Variants in CCT6A observed in about 807,000 individuals in gnomAD.
The protein encoded by CCT6A is T-complex protein 1 subunit zeta.
CCT6A carries 6 observed loss-of-function variants against 58.6 expected under a neutral mutation model. The observed-to-expected ratio is 0.10, with a 90% CI of 0.06 to 0.20. CCT6A has a LOEUF of 0.20. CCT6A is among the 10% of genes least tolerant of loss of function. CCT6A has a pLI of 1.00. For missense variants in CCT6A, 516 were observed against 648.8 expected, an observed-to-expected ratio of 0.80 and a Z score of 2.22; for synonymous variants, 245 against 227.8, an observed-to-expected ratio of 1.08 and a Z score of -0.68.
chr7:56,059,684 G>C (rs558629472), intron 9 of CCT6A, 44 bp downstream of exon 9: 1 of 969,596 alleles, frequency 1.0e-6, no homozygotes. Context: ...CTTTTAGCTC[G>C]TGAATTATTT....
intron 3 of CCT6A, 52 bp downstream of exon 3, chr7:56,054,555 G>C: frequency 6.5e-7 from 1 of 1,544,104 alleles, no homozygotes; most frequent in Non-Finnish European, 8.9e-7. Flanking sequence ...GGAAGTGTCT[G>C]ATATTTATAC....
chr7:56,052,143 C>T (rs7780755), intron 1 of CCT6A, among the ~76,000 whole-genome samples, 158 bp downstream of exon 1: 14,452 of 152,214 alleles, frequency 0.095, 946 homozygotes, highest in Non-Finnish European at 0.14. Flanking sequence ...TAAGCCCCAC[C>T]GTCCCGGCCA....
At chr7:56,057,960 T>C (rs1794350238) in intron 5 of CCT6A, 33 bp from the exon 6 acceptor site, 2 of 1,144,772 alleles carry the variant, frequency 1.7e-6, no homozygotes, top group Non-Finnish European at 2.6e-6. Flanking sequence ...CATCTGAAAA[T>C]CAATAACCAT....
intron 10 of CCT6A, 65 bp from the exon 11 acceptor site, chr7:56,060,742 T>C (rs888525174): frequency 8.4e-6 from 13 of 1,540,116 alleles, no homozygotes; most frequent in Non-Finnish European, 1.1e-5. Flanking sequence ...TTCATATGTA[T>C]ATTTTGTTAT....
chr7:56,054,510 A>T lies in CCT6A; in HGVS notation c.336+7A>T, dbSNP rs1584547163. The T allele has an allele frequency of 6.2e-7, 1 of 1,605,308 alleles. No individual in the cohort carries two copies. On this transcript the variant is annotated splice_region_variant and intron_variant, in intron 3 of 13. Transcript: ENST00000275603. ...GGATCTCTACATTTCTGAAGTATGC[A>T]CAACTCTTGTTTCTGTAATTTTTTT...
At chr7:56,053,282 C>A (rs532012460) in intron 2 of CCT6A, among the ~76,000 whole-genome samples, 1 of 152,280 alleles carries the variant, frequency 6.6e-6, no homozygotes, top group East Asian at 1.9e-4. Flanking sequence ...TTATTTCCTG[C>A]TGATTTGAGT....
Position 56,058,111 on chromosome 7 carries a change from T to G in CCT6A, c.725+8T>G, listed in dbSNP as rs1794354816. 1 of 1,444,644 alleles carries G rather than the reference T, an allele frequency of 6.9e-7. No homozygotes were observed. Among genetic ancestry groups the G allele is most frequent in the African/African-American group, 1.4e-5 (1 of 71,474 alleles). The allele number at this position is 1,444,644 out of a possible 1,614,324, so 89.5% of individuals were successfully genotyped here. ...ATTAGAGTATGAGAAAACGTAAGTT[T>G]ATAGCCCCTTAACAGTGAAATGGAG... On this transcript the variant is annotated splice_region_variant and intron_variant, in intron 6 of 13. Coordinates refer to ENST00000275603, the MANE Select transcript of CCT6A (RefSeq NM_001762.4).
chr7:56,060,985 T>C (rs1435639643), intron 11 of CCT6A, 45 bp downstream of exon 11: 1 of 1,552,558 alleles, frequency 6.4e-7, no homozygotes, highest in African/African-American at 1.4e-5. Flanking sequence ...ATTCAGCTGA[T>C]CAAACCTTTC....
intron 11 of CCT6A, among the ~76,000 whole-genome samples, chr7:56,061,226 TC>T (rs1794424401): frequency 6.6e-6 from 1 of 152,222 alleles, no homozygotes; most frequent in Non-Finnish European, 1.5e-5. Flanking sequence ...TAAACTGATA[TC>T]ATTGTTTTCT....
rs1794551168 is a variant in CCT6A, at chr7:56,063,967, A to G, written c.*882A>G. 6.6e-6 allele frequency: 3 copies of G among 454,852 alleles called. No homozygotes were observed. Among genetic ancestry groups the G allele is most frequent in the South Asian group, 5.8e-5 (2 of 34,688 alleles). The allele number at this position is 454,852 out of a possible 1,614,324, so 28.2% of individuals were successfully genotyped here. ...AGCAGTGGCCTGAAGTGAGTTGTGC[A>G]ATAAATGTTAAGTTGAAACCTCCTT... is the stretch of plus-strand genomic sequence containing the variant. On this transcript the variant is annotated 3_prime_UTR_variant, in exon 14 of 14. Coordinates refer to ENST00000275603, the MANE Select transcript of CCT6A (RefSeq NM_001762.4).
intron 12 of CCT6A, 187 bp from the exon 13 acceptor site, chr7:56,062,494 TAA>T (rs1794476589): frequency 1.6e-5 from 10 of 629,098 alleles, no homozygotes; most frequent in South Asian, 1.5e-4. Flanking sequence ...CTTCTAAGTA[TAA>T]GTCAGACATT....
At chr7:56,053,014 G>C (rs1794207543) in intron 2 of CCT6A, among the ~76,000 whole-genome samples, 1 of 152,138 alleles carries the variant, frequency 6.6e-6, no homozygotes, top group Admixed American at 6.6e-5. Flanking sequence ...GGCTGGTCTT[G>C]AACGCCTGAC....
At chr7:56,061,980 G>A in intron 12 of CCT6A, 131 bp downstream of exon 12, 1 of 503,862 alleles carries the variant, frequency 2.0e-6, no homozygotes, top group African/African-American at 2.0e-5. Context: ...TTCTAAAATG[G>A]GATAAAATAG....
At chr7:56,055,102 C>T (rs1374347953) in intron 3 of CCT6A, among the ~76,000 whole-genome samples, 3 of 152,054 alleles carry the variant, frequency 2.0e-5, no homozygotes, top group Non-Finnish European at 2.9e-5. Flanking sequence ...GGAGAAACCC[C>T]GTGTCTACTA....
intron 5 of CCT6A, among the ~76,000 whole-genome samples, chr7:56,056,666 G>A (rs1310018025): frequency 6.6e-6 from 1 of 151,498 alleles, no homozygotes; most frequent in Non-Finnish European, 1.5e-5. Context: ...AGGTTGCAGT[G>A]AGCTGAGACC....
intron 5 of CCT6A, 125 bp from the exon 6 acceptor site, chr7:56,057,868 G>A (rs1343541365): frequency 1.7e-4 from 107 of 637,364 alleles, no homozygotes; most frequent in African/African-American, 5.5e-5. Flanking sequence ...GCAACAGAGC[G>A]AGACTTCATC....
Position 56,059,599 on chromosome 7 carries a change from G to C in CCT6A, c.1024G>C (p.Asp342His), listed in dbSNP as rs147515036. Residue 342 changes from aspartate (D) to histidine (H), a missense_variant, in exon 9 of 14, where the codon GAC (aspartate) becomes CAC (histidine). Asp to His is a moderately conservative substitution (Grantham distance 81, BLOSUM62 -1). Around this residue, in one of 3 missense-constraint regions of CCT6A, gnomAD observed 315 missense variants for 389.4 expected, o/e 0.81. Transcript: ENST00000275603. ...ALNSFDDLSP[D>H]CLGHAGLVYE... ...GAATTCTTTTGACGACCTAAGTCCT[G>C]ACTGCTTGGGACATGCAGGACTTGT... 2.3e-4 allele frequency: 371 copies of C among 1,603,544 alleles called. 5 individuals are homozygous for C. The East Asian group carries it at 6.2e-3, about 27-fold the overall frequency.
At chr7:56,052,090 C>T in intron 1 of CCT6A, 105 bp downstream of exon 1, 3 of 1,016,410 alleles carry the variant, frequency 3.0e-6, no homozygotes, top group African/African-American at 1.7e-5. Context: ...GGCTGCGCAG[C>T]CGTCCTTCTC....
intron 11 of CCT6A, 69 bp downstream of exon 11, chr7:56,061,009 T>C: frequency 1.3e-6 from 2 of 1,495,140 alleles, no homozygotes; most frequent in Non-Finnish European, 1.8e-6. Flanking sequence ...TAATGTAGGA[T>C]TTATTCATAA....
Sources: gnomAD v4.1 joint callset for allele counts (sites outside exome capture counted in the v4.1 genomes callset) on GRCh38, gnomAD v4.1.1 for gene constraint, gnomAD v4.1.1 regional missense constraint, MANE v1.5 for transcripts, NCBI Gene and HGNC (gene_info 2026-07-23, HGNC 2026-07-21) for gene names.